Variants in SLC2A11 observed in about 807,000 individuals in gnomAD.
SLC2A11 encodes the protein solute carrier family 2 member 11.
A neutral mutation model predicts 52.1 loss-of-function variants in SLC2A11; 43 were observed. The observed-to-expected ratio is 0.82, with a 90% CI of 0.65 to 1.06. The LOEUF (loss-of-function observed/expected upper bound fraction) is 1.06, where lower values mean the gene tolerates loss of function less well. Ranked by LOEUF, SLC2A11 falls within the 50% of genes least tolerant of loss-of-function variation. The pLI, the probability that SLC2A11 is intolerant of heterozygous loss-of-function variation, is 0.00. For missense variants in SLC2A11, 582 were observed against 654.2 expected, an observed-to-expected ratio of 0.89 and a Z score of 1.20; for synonymous variants, 261 against 277.6, an observed-to-expected ratio of 0.94 and a Z score of 0.59.
rs954962578 is a variant in SLC2A11, at chr22:23,874,754, A to AT, written c.291-355dup. The stretch of plus-strand genomic sequence containing the variant: ...GGCGTGAGCCACCGCGCCCAGCCTA[A>AT]TTTTTTTTGTATTTTTTGTAGAGAT... On this transcript the variant is annotated intron_variant, in intron 3 of 11. Coordinates refer to ENST00000316185, the MANE Select transcript of SLC2A11 (RefSeq NM_001024939.4). Among the ~76,000 whole-genome samples the AT allele has an allele frequency of 8.6e-4, 130 of 151,770 alleles. 2 individuals are homozygous for AT. The highest frequency in any genetic ancestry group is 4.2e-4 in the South Asian group (2 of 4,792).
intron 2 of SLC2A11, chr22:23,867,874 G>A: frequency 2.4e-6 from 1 of 420,154 alleles, no homozygotes; most frequent in South Asian, 1.8e-5. Context: ...TTCATGAGTT[G>A]TATCCTTCAT....
Position 23,884,675 on chromosome 22 carries a change from C to A in SLC2A11, c.1326C>A (p.Val442=). The change falls in exon 12 of 12, where the codon GTC becomes GTA. Residue 442 remains valine (V), a synonymous_variant. Transcript: ENST00000316185. The surrounding 1 kb of genome is among the most constrained non-coding windows in gnomAD (Gnocchi z 4.3). ...IMEALSHFLY[V]PFLGVCVCGA... is the part of the protein sequence containing the mutation. ...AGGCCTTGTCCCACTTCCTCTATGT[C>A]CCTTTCCTTGGTGTCTGTGTCTGTG... 2.5e-6 allele frequency: 4 copies of A among 1,613,942 alleles called. No individual in the cohort carries two copies. Among genetic ancestry groups the A allele is most frequent in the Non-Finnish European group, 3.4e-6 (4 of 1,179,950 alleles).
In SLC2A11 at chr22:23,883,317, A is replaced by T. The variant is rs146892856; in HGVS notation, c.993+448A>T. On this transcript the variant is annotated intron_variant, in intron 8 of 11. Coordinates refer to ENST00000316185, the MANE Select transcript of SLC2A11 (RefSeq NM_001024939.4). ...GAAACCCCGTCTCTACAAAAAATAC[A>T]AAAATTAGCCAGGCGTGGTGGTCTT... The T allele has an allele frequency of 2.6e-3, 820 of 317,174 alleles. 7 individuals are homozygous for T. The highest frequency in any genetic ancestry group is 0.017 in the African/African-American group (772 of 44,942). The allele number at this position is 317,174 out of a possible 1,614,324, so 19.6% of individuals were successfully genotyped here. A position where few individuals can be genotyped will look rare whatever the true frequency, so the allele number is the denominator to read the frequency against.
intron 3 of SLC2A11, 182 bp from the exon 4 acceptor site, chr22:23,874,935 G>A (rs1480064010): frequency 1.7e-6 from 1 of 590,924 alleles, no homozygotes; most frequent in East Asian, 3.5e-5. Flanking sequence ...ACGTGTAAGT[G>A]TAGGAGCTCT....
chr22:23,885,253 G>A lies in SLC2A11; in HGVS notation c.*404G>A, dbSNP rs1204297715. The A allele has an allele frequency of 3.4e-6, 1 of 291,638 alleles. No homozygotes were observed. The highest frequency in any genetic ancestry group is 6.0e-5 in the East Asian group (1 of 16,546). 18.1% of individuals were successfully genotyped at this position (291,638 alleles called of 1,614,324 possible). On this transcript the variant is annotated 3_prime_UTR_variant, in exon 12 of 12. Coordinates refer to ENST00000316185, the MANE Select transcript of SLC2A11 (RefSeq NM_001024939.4). Reference sequence around the variant, plus strand: ...GCTAACAGCTCTAGCTACTCAGGAGGCTGAGGCAGCAGGATCACTTGAGTC... The same window carrying A: ...GCTAACAGCTCTAGCTACTCAGGAGACTGAGGCAGCAGGATCACTTGAGTC...
Position 23,883,979 on chromosome 22 carries a change from A to G in SLC2A11, c.1126A>G (p.Met376Val), listed in dbSNP as rs769696773. 10 of 1,613,380 alleles carry G rather than the reference A, an allele frequency of 6.2e-6. No individual in the cohort carries two copies. Among genetic ancestry groups the G allele is most frequent in the Non-Finnish European group, 8.5e-6 (10 of 1,179,826 alleles). The stretch of plus-strand genomic sequence containing the variant: ...CTTCCCCTGGACACTCTACCTGGCC[A>G]TGGCCTGCATCTTTGCCTTCATCCT... The part of the protein sequence containing the change: ...SSFPWTLYLA[M>V]ACIFAFILSF... Residue 376 changes from methionine to valine, a missense_variant, in exon 10 of 12, where the codon ATG becomes GTG. Physicochemically the swap from Met to Val is conservative, Grantham distance 21 (BLOSUM62 1). Transcript: ENST00000316185.
intron 4 of SLC2A11, 147 bp downstream of exon 4, chr22:23,875,388 G>A: frequency 9.7e-7 from 1 of 1,026,720 alleles, no homozygotes; most frequent in Non-Finnish European, 1.3e-6. Flanking sequence ...ACAAAAGGAT[G>A]TAGTATAGTT....
chr22:23,875,561 G>A (rs1400816449), intron 4 of SLC2A11, among the ~76,000 whole-genome samples: 1 of 152,124 alleles, frequency 6.6e-6, no homozygotes, highest in Admixed American at 6.6e-5. Context: ...AACGTGTAAA[G>A]GGATATAGGA....
chr22:23,857,655 C>A (rs2031895262), upstream of SLC2A11: 4 of 1,137,916 alleles, frequency 3.5e-6, no homozygotes, highest in South Asian at 4.2e-5. Context: ...CTTAAAAACG[C>A]TGAGTCCGCG....
At chr22:23,867,818 C>T (rs1568987699) in intron 2 of SLC2A11, 6 of 467,642 alleles carry the variant, frequency 1.3e-5, no homozygotes, top group Non-Finnish European at 2.7e-5. Context: ...CCTCTAGCAA[C>T]CTACTCTCCC....
At position 23,870,334 on chromosome 22, in the gene SLC2A11, CAG is replaced by C. The variant is rs2032412584; in HGVS notation, c.290+1694_290+1695del. 9 of 380,806 alleles carry C rather than the reference CAG, an allele frequency of 2.4e-5. No homozygotes were observed. The South Asian group carries it at 2.9e-4, about 12-fold the overall frequency. The allele number at this position is 380,806 out of a possible 1,614,324, so 23.6% of individuals were successfully genotyped here. On this transcript the variant is annotated intron_variant, in intron 3 of 11. Coordinates refer to ENST00000316185, the MANE Select transcript of SLC2A11 (RefSeq NM_001024939.4). ...CAAATGTCTGTTCCCCTCCCCAGGA[CAG>C]GGGGATGTAGTTCTTCCATTCAGCA... is the stretch of plus-strand genomic sequence containing the variant.
At chr22:23,857,491 T>C (rs768584237), upstream of SLC2A11, 22 of 1,613,162 alleles carry the variant, frequency 1.4e-5, no homozygotes, top group Non-Finnish European at 1.9e-5. Flanking sequence ...CAGAGGCGGA[T>C]GGAGGATGAA....
chr22:23,876,900 G>A (rs995758643), intron 4 of SLC2A11, 142 bp from the exon 5 acceptor site: 1 of 1,303,712 alleles, frequency 7.7e-7, no homozygotes, highest in African/African-American at 1.4e-5. Flanking sequence ...CCCTGAGTGT[G>A]GGGGGTGAGG....
intron 3 of SLC2A11, among the ~76,000 whole-genome samples, chr22:23,873,530 G>A (rs766807312): frequency 2.0e-5 from 3 of 151,996 alleles, no homozygotes; most frequent in South Asian, 2.1e-4. Context: ...GGCTGGTCTC[G>A]AACTTCTGAC....
intron 1 of SLC2A11, among the ~76,000 whole-genome samples, chr22:23,861,576 A>G (rs1350390000): frequency 6.6e-6 from 1 of 152,234 alleles, no homozygotes; most frequent in Non-Finnish European, 1.5e-5. Context: ...ATATGTCCCC[A>G]AGTCCTTGCA....
chr22:23,857,124 C>A, upstream of SLC2A11: 1 of 1,238,592 alleles, frequency 8.1e-7, no homozygotes, highest in Non-Finnish European at 1.1e-6. Flanking sequence ...CAACCAAGGG[C>A]TTGGCCCTCC....
chr22:23,864,320 T>TTTTA (rs927935261), intron 2 of SLC2A11, among the ~76,000 whole-genome samples: 1 of 152,160 alleles, frequency 6.6e-6, no homozygotes, highest in Non-Finnish European at 1.5e-5. Flanking sequence ...TTGGTTTATT[T>TTTTA]TTTATTTATT....
At chr22:23,857,062 GT>G, upstream of SLC2A11, 1 of 686,610 alleles carries the variant, frequency 1.5e-6, no homozygotes, top group Non-Finnish European at 2.1e-6. Context: ...CTGAACCAAA[GT>G]GTGTGTGTGT....
chr22:23,861,308 A>G (rs1401579434), intron 1 of SLC2A11, among the ~76,000 whole-genome samples: 1 of 85,068 alleles, frequency 1.2e-5, no homozygotes, highest in Non-Finnish European at 2.5e-5. Context: ...AAAAAAAAAA[A>G]AAAAAAAGAA....
Sources: gnomAD v4.1 joint callset for allele counts (sites outside exome capture counted in the v4.1 genomes callset) on GRCh38, gnomAD v4.1.1 for gene constraint, Gnocchi (gnomAD v3.1) non-coding constraint, MANE v1.5 for transcripts, NCBI Gene and HGNC (gene_info 2026-07-23, HGNC 2026-07-21) for gene names.